Variants in MALT1 observed in about 807,000 individuals in gnomAD.
The protein encoded by MALT1 is mucosa-associated lymphoid tissue lymphoma translocation protein 1.
A neutral mutation model predicts 85.5 loss-of-function variants in MALT1; 36 were observed. That is an observed-to-expected ratio of 0.42 (90% confidence interval 0.32 to 0.56). The LOEUF (loss-of-function observed/expected upper bound fraction) is 0.56. Ranked by LOEUF, MALT1 falls within the 20% of genes least tolerant of loss-of-function variation. The pLI, the probability that MALT1 is intolerant of heterozygous loss-of-function variation, is 0.10. For missense variants in MALT1, 716 were observed against 981.6 expected, an observed-to-expected ratio of 0.73 and a Z score of 3.62; for synonymous variants, 359 against 361.3, an observed-to-expected ratio of 0.99 and a Z score of 0.07.
At chr18:58,738,227 A>T (rs996975956) in intron 13 of MALT1, among the ~76,000 whole-genome samples, 18 of 152,316 alleles carry the variant, frequency 1.2e-4, no homozygotes, top group East Asian at 9.6e-4. Context: ...TTTTAACTTC[A>T]TAAAAAGGTA....
chr18:58,700,102 C>G (rs1420626523), intron 3 of MALT1, among the ~76,000 whole-genome samples: 1 of 152,190 alleles, frequency 6.6e-6, no homozygotes, highest in African/African-American at 2.4e-5. Context: ...TGTTGTATGG[C>G]TGCTAAACTC....
intron 13 of MALT1, among the ~76,000 whole-genome samples, chr18:58,740,523 C>T (rs1201267499): frequency 6.6e-6 from 1 of 151,382 alleles, no homozygotes; most frequent in Non-Finnish European, 1.5e-5. Context: ...TTTCTTTGAC[C>T]TTTAAGTTAT....
At chr18:58,718,637 G>T (rs1295257878) in intron 9 of MALT1, among the ~76,000 whole-genome samples, 2 of 152,232 alleles carry the variant, frequency 1.3e-5, no homozygotes, top group Non-Finnish European at 2.9e-5. Context: ...GTGCCAGAAA[G>T]GTTGGGGACC....
chr18:58,691,814 C>T (rs565952735), intron 2 of MALT1, among the ~76,000 whole-genome samples: 103 of 151,234 alleles, frequency 6.8e-4, no homozygotes, highest in African/African-American at 2.3e-3. Flanking sequence ...CGGAGCTTGC[C>T]GTGAGCCGAG....
At position 58,723,163 on chromosome 18, in the gene MALT1, C is replaced by A. The variant is rs757843599; in HGVS notation, c.1134C>A (p.Phe378Leu). The A allele has an allele frequency of 6.2e-7, 1 of 1,613,916 alleles. No homozygotes were observed. The change falls in exon 10 of 17, where the codon TTC becomes TTA. Residue 378 changes from phenylalanine to leucine, a missense_variant. This residue lies in a region of MALT1 where 86 missense variants were observed against 212.3 expected (regional missense o/e 0.41). Transcript: ENST00000649217. ...CTAACTTACTGAGACAGCTGGACTT[C>A]AAAGTGGTTTCACTGTTGGATCTTA... is the stretch of plus-strand genomic sequence containing the variant. Reference protein sequence around the residue: ...ELTNLLRQLDFKVVSLLDLTE... With the variant: ...ELTNLLRQLDLKVVSLLDLTE...
intron 13 of MALT1, among the ~76,000 whole-genome samples, chr18:58,738,743 T>G (rs1391673356): frequency 6.6e-6 from 1 of 152,066 alleles, no homozygotes; most frequent in Non-Finnish European, 1.5e-5. Flanking sequence ...AATAGCTATA[T>G]GTATATCTTA....
At chr18:58,707,474 G>A (rs907363137) in intron 4 of MALT1, among the ~76,000 whole-genome samples, 11 of 150,910 alleles carry the variant, frequency 7.3e-5, no homozygotes, top group Admixed American at 2.0e-4. Context: ...TGTACAGAAC[G>A]TGCAGGTTTG....
Position 58,687,378 on chromosome 18 carries a change from A to C in MALT1, c.376+6042A>C, listed in dbSNP as rs142124999. On this transcript the variant is annotated intron_variant, in intron 2 of 16. Transcript: ENST00000649217. ...GTGATGTGGGAAACTAGATTTAGCT[A>C]TAATCTATACAGATTTCAATTGACA... Among the ~76,000 whole-genome samples, 45 of 152,344 alleles carry C rather than the reference A, an allele frequency of 3.0e-4. No individual in the cohort carries two copies. The East Asian group carries it at 6.9e-3, about 23-fold the overall frequency.
chr18:58,702,236 A>AAAC (rs2054683326), intron 4 of MALT1, among the ~76,000 whole-genome samples: 3 of 151,212 alleles, frequency 2.0e-5, no homozygotes. Context: ...AAAAAAAAAA[A>AAAC]AATGGGGCCT....
rs933129506 is a variant in MALT1 at position 58,671,697 on chromosome 18, G to C, written c.54G>C (p.Thr18=). The part of the protein sequence containing the change: ...LQALPPSAAP[T]GPLLAPPAGA... ...CCCTGCCGCCCTCGGCCGCCCCCACGGGGCCGCTGCTCGCCCCTCCGGCCG... is the reference window on the plus strand; with the variant it reads ...CCCTGCCGCCCTCGGCCGCCCCCACCGGGCCGCTGCTCGCCCCTCCGGCCG... Residue 18 remains threonine (T), a synonymous_variant, in exon 1 of 17, where the codon ACG becomes ACC. Transcript: ENST00000649217. The C allele has an allele frequency of 3.0e-5, 38 of 1,259,250 alleles. No individual in the cohort carries two copies. The African/African-American group carries it at 5.0e-4, about 16-fold the overall frequency. The allele number at this position is 1,259,250 out of a possible 1,614,324, so 78.0% of individuals were successfully genotyped here.
rs892110539 is a variant in MALT1, at chr18:58,747,615, T to C, written c.2248T>C (p.Tyr750His). ...SAATSGGAGH[Y>H]HSLQDPFHGV... ...AGCCACCTCAGGAGGAGCAGGGCAT[T>C]ATCACTCATTGCAAGACCCATTCCA... The change falls in exon 17 of 17, where the codon TAT (tyrosine) becomes CAT (histidine). Residue 750 changes from tyrosine (Y) to histidine (H), a missense_variant. By Grantham distance (83) the Tyr-to-His change is moderately conservative. Transcript: ENST00000649217. 2 of 1,614,068 alleles carry C rather than the reference T, an allele frequency of 1.2e-6. No homozygotes were observed. Among genetic ancestry groups the C allele is most frequent in the African/African-American group, 2.7e-5 (2 of 74,928 alleles).
At chr18:58,725,787 A>G (rs752878489) in intron 10 of MALT1, among the ~76,000 whole-genome samples, 44 of 152,208 alleles carry the variant, frequency 2.9e-4, no homozygotes, top group Admixed American at 5.2e-4. Flanking sequence ...TGGCCAGGGC[A>G]TGGCGGCTCA....
chr18:58,715,700 T>C (rs1281179991), intron 8 of MALT1, among the ~76,000 whole-genome samples: 1 of 152,192 alleles, frequency 6.6e-6, no homozygotes, highest in African/African-American at 2.4e-5. Flanking sequence ...ATCTGTTATA[T>C]ATAAAGCATA....
intron 10 of MALT1, among the ~76,000 whole-genome samples, chr18:58,730,278 A>G (rs1006996883): frequency 1.3e-5 from 2 of 152,180 alleles, no homozygotes; most frequent in Non-Finnish European, 2.9e-5. Flanking sequence ...ATCACCCCAA[A>G]AAGAAACCCC....
chr18:58,713,572 C>T (rs989268980), intron 7 of MALT1, among the ~76,000 whole-genome samples: 2 of 151,698 alleles, frequency 1.3e-5, no homozygotes, highest in Non-Finnish European at 2.9e-5. Context: ...GAATGGAGTC[C>T]CTGAGCAAAA....
intron 9 of MALT1, among the ~76,000 whole-genome samples, chr18:58,717,764 A>AG (rs1389950866): frequency 2.6e-5 from 4 of 151,696 alleles, no homozygotes; most frequent in Admixed American, 1.3e-4. Context: ...AAAAAAAAAA[A>AG]AAAGAAACCT....
At chr18:58,709,858 T>C in intron 5 of MALT1, 118 bp from the exon 6 acceptor site, 2 of 687,868 alleles carry the variant, frequency 2.9e-6, no homozygotes, top group East Asian at 2.6e-5. Flanking sequence ...ATGTAACAAA[T>C]GTCTAAAGCC....
At chr18:58,722,510 A>G (rs1284640008) in intron 9 of MALT1, among the ~76,000 whole-genome samples, 2 of 152,304 alleles carry the variant, frequency 1.3e-5, no homozygotes, top group Non-Finnish European at 2.9e-5. Flanking sequence ...GTACATCCAC[A>G]TGGCTACTGC....
chr18:58,740,269 T>C (rs1025036312), intron 13 of MALT1, among the ~76,000 whole-genome samples: 18 of 152,222 alleles, frequency 1.2e-4, no homozygotes, highest in Middle Eastern at 3.2e-3. Context: ...CTATTTCATT[T>C]TGAAGAACCA....
Sources: gnomAD v4.1 joint callset for allele counts (sites outside exome capture counted in the v4.1 genomes callset) on GRCh38, gnomAD v4.1.1 for gene constraint, gnomAD v4.1.1 regional missense constraint, MANE v1.5 for transcripts, NCBI Gene and HGNC (gene_info 2026-07-23, HGNC 2026-07-21) for gene names.